Variants in NRN1 observed in about 807,000 individuals in gnomAD.
NRN1 encodes the protein neuritin 1.
A neutral mutation model predicts 15.0 loss-of-function variants in NRN1; 4 were observed. That is an observed-to-expected ratio of 0.27 (90% CI 0.13 to 0.61). NRN1 has a LOEUF of 0.61. NRN1 is among the 20% of genes least tolerant of loss of function. The pLI, the probability that NRN1 is intolerant of heterozygous loss-of-function variation, is 0.87. For missense variants in NRN1, 134 were observed against 181.9 expected (o/e 0.74, Z 1.51); for synonymous variants, 85 against 79.8 (o/e 1.07, Z -0.35).
chr6:6,001,739 T>C (rs904622462), intron 2 of NRN1, among the ~76,000 whole-genome samples: 1 of 152,184 alleles, frequency 6.6e-6, no homozygotes, highest in Non-Finnish European at 1.5e-5. Flanking sequence ...CACAATAAGA[T>C]AGCGTTTCGG....
At chr6:6,002,563 C>T in intron 1 of NRN1, 66 bp from the exon 2 acceptor site, 4 of 1,567,032 alleles carry the variant, frequency 2.6e-6, no homozygotes, top group Admixed American at 3.5e-5. Context: ...CTGCCCTTTC[C>T]TGCGAGACCC....
intron 2 of NRN1, among the ~76,000 whole-genome samples, chr6:6,000,454 C>G (rs1419503790): frequency 6.6e-6 from 1 of 152,182 alleles, no homozygotes; most frequent in Admixed American, 6.5e-5. Context: ...CCACCTGCCC[C>G]GGGCCTTGAG....
rs1390401908 is a variant in NRN1 at position 5,998,315 on chromosome 6, A to C, written c.*661T>G. The C allele has an allele frequency of 2.6e-5, 4 of 152,218 alleles. No homozygotes were observed. Among genetic ancestry groups the C allele is most frequent in the Admixed American group, 2.0e-4 (3 of 15,266 alleles). 9.4% of individuals were successfully genotyped at this position (152,218 alleles called of 1,614,324 possible). A position where few individuals can be genotyped will look rare whatever the true frequency, so the allele number is the denominator to read the frequency against. On this transcript the variant is annotated 3_prime_UTR_variant, in exon 3 of 3. Coordinates refer to ENST00000244766, the MANE Select transcript of NRN1 (RefSeq NM_016588.3). ...AGCAGATAAAGCTAACCCCTCAGTG[A>C]CCATAGCAGCATGTCTTCTGGAAGC...
rs1211843024 is a variant in NRN1, at chr6:6,002,401, T to C, written c.152A>G (p.Asn51Ser). 1 of 1,614,228 alleles carries C rather than the reference T, an allele frequency of 6.2e-7. No individual in the cohort carries two copies. The highest frequency in any genetic ancestry group is 1.7e-5 in the Admixed American group (1 of 60,030). Residue 51 changes from asparagine to serine, a missense_variant, in exon 2 of 3, where the codon AAC becomes AGC. By Grantham distance (46) the Asn-to-Ser change is conservative (BLOSUM62 1). Transcript: ENST00000244766. ...CTTGTCGTCCAGGCCCTGCGGGTAG[T>C]TGGCCATGCTGTCGCCCAGCTTGAG... ...CLLKLGDSMANYPQGLDDKTN... is the reference protein window; with the variant it reads ...CLLKLGDSMASYPQGLDDKTN...
rs931163891 is a variant in NRN1 at position 5,998,972 on chromosome 6, A to G, written c.*4T>C. The G allele has an allele frequency of 1.9e-6, 3 of 1,604,726 alleles. No homozygotes were observed. Among genetic ancestry groups the G allele is most frequent in the Non-Finnish European group, 2.6e-6 (3 of 1,174,980 alleles). On this transcript the variant is annotated 3_prime_UTR_variant, in exon 3 of 3. Coordinates refer to ENST00000244766, the MANE Select transcript of NRN1 (RefSeq NM_016588.3). ...TGGGCGCGCGGGGGGAGCTGGCCCC[A>G]CGCTCAGAAGGAAAGCCAGGTCGCT...
rs1757841353 is a variant in NRN1 at position 5,998,817 on chromosome 6, G to C, written c.*159C>G. The C allele has an allele frequency of 1.6e-6, 1 of 628,268 alleles. No homozygotes were observed. The highest frequency in any genetic ancestry group is 1.8e-5 in the African/African-American group (1 of 54,358). The allele number at this position is 628,268 out of a possible 1,614,324, so 38.9% of individuals were successfully genotyped here. A position where few individuals can be genotyped will look rare whatever the true frequency, so the allele number is the denominator to read the frequency against. On this transcript the variant is annotated 3_prime_UTR_variant, in exon 3 of 3. Transcript: ENST00000244766. ...GCAAATAAAACACAAGAAATCAAAC[G>C]AAATAAAAAAGAGAATCAGGATTTC...
At position 6,002,467 on chromosome 6, in the gene NRN1, C is replaced by A; in HGVS notation, c.86G>T (p.Gly29Val). ...GCCCTTGAAGACCGCATCGCACTTG[C>A]CCGCTGCTCTCACGGCCTGCACCAG... ...AYLVQAVRAA[G>V]KCDAVFKGFS... The change falls in exon 2 of 3, where the codon GGC (glycine) becomes GTC (valine). Residue 29 changes from glycine to valine, a missense_variant. Physicochemically the swap from Gly to Val is moderately radical, Grantham distance 109 (BLOSUM62 -3). Coordinates refer to ENST00000244766, the MANE Select transcript of NRN1 (RefSeq NM_016588.3). The A allele has an allele frequency of 6.2e-7, 1 of 1,614,124 alleles. No individual in the cohort carries two copies. Among genetic ancestry groups the A allele is most frequent in the Non-Finnish European group, 8.5e-7 (1 of 1,180,002 alleles).
At chr6:6,003,758 C>T in intron 1 of NRN1, 1 of 1,234,242 alleles carries the variant, frequency 8.1e-7, no homozygotes, top group Non-Finnish European at 1.0e-6. Context: ...CCGACGAACC[C>T]GGCTGGAAGC....
upstream of NRN1, chr6:6,007,027 G>A: frequency 2.2e-6 from 1 of 462,720 alleles, no homozygotes; most frequent in Non-Finnish European, 3.9e-6. Flanking sequence ...ACAGCCTCAC[G>A]CCCACGAGCA....
intron 1 of NRN1, 32 bp downstream of exon 1, chr6:6,006,663 C>G (rs754940821): frequency 1.6e-5 from 26 of 1,609,984 alleles, no homozygotes; most frequent in Non-Finnish European, 1.9e-5. Context: ...CCTCCCGCCT[C>G]CAGCCTCCAG....
intron 2 of NRN1, among the ~76,000 whole-genome samples, chr6:6,001,442 T>C (rs671462): frequency 0.25 from 37,855 of 152,084 alleles, 5,686 homozygotes; most frequent in East Asian, 0.51. Context: ...AGCAGCTAGA[T>C]TGCTGCAGGT....
At chr6:6,003,440 C>G (rs1238684034) in intron 1 of NRN1, among the ~76,000 whole-genome samples, 1 of 152,190 alleles carries the variant, frequency 6.6e-6, no homozygotes, top group African/African-American at 2.4e-5. Flanking sequence ...CCAAAAAGCC[C>G]GCCTACACTC....
chr6:5,999,292 G>T, intron 2 of NRN1, 88 bp from the exon 3 acceptor site: 1 of 1,188,386 alleles, frequency 8.4e-7, no homozygotes, highest in Non-Finnish European at 1.2e-6. Flanking sequence ...CCTCCCCGCT[G>T]GCGGCCCCGC....
intron 1 of NRN1, 191 bp from the exon 2 acceptor site, chr6:6,002,688 A>C: frequency 2.7e-5 from 18 of 678,214 alleles, no homozygotes; most frequent in East Asian, 8.9e-5. Flanking sequence ...CCTGCAGCTA[A>C]CGCTGCGTCT....
intron 1 of NRN1, 198 bp from the exon 2 acceptor site, chr6:6,002,695 G>A (rs942541193): frequency 1.9e-5 from 13 of 681,130 alleles, no homozygotes; most frequent in Non-Finnish European, 2.9e-5. Flanking sequence ...CTAACGCTGC[G>A]TCTAGTGCAA....
rs554134388 is a variant in NRN1, at chr6:6,001,945, G to A, written c.200+408C>T. On this transcript the variant is annotated intron_variant, in intron 2 of 2. Transcript: ENST00000244766. ...CTGTTCTTCAGAGAACACCTGGCAG[G>A]TCACTCGTTCACGCAAGAGCAAAGA... 9.2e-5 allele frequency among the ~76,000 whole-genome samples: 14 copies of A among 152,334 alleles called. No individual in the cohort carries two copies. The South Asian group carries it at 1.7e-3, about 18-fold the overall frequency.
chr6:5,998,943 T>G lies in NRN1; in HGVS notation c.*33A>C. 1 of 1,513,554 alleles carries G rather than the reference T, an allele frequency of 6.6e-7. No homozygotes were observed. The highest frequency in any genetic ancestry group is 9.1e-7 in the Non-Finnish European group (1 of 1,099,558). 93.8% of individuals were successfully genotyped at this position (1,513,554 alleles called of 1,614,324 possible). ...GATTTCCGGGAGCATGGAGTGAGTG[T>G]GGGTGGGCGCGCGGGGGGAGCTGGC... On this transcript the variant is annotated 3_prime_UTR_variant, in exon 3 of 3. Coordinates refer to ENST00000244766, the MANE Select transcript of NRN1 (RefSeq NM_016588.3).
intron 1 of NRN1, chr6:6,004,074 A>AT: frequency 9.0e-7 from 1 of 1,110,858 alleles, no homozygotes; most frequent in Non-Finnish European, 1.1e-6. Flanking sequence ...CCGTTTGCAA[A>AT]TTGCTGCAGG....
intron 1 of NRN1, chr6:6,003,674 C>A: frequency 8.1e-7 from 1 of 1,232,166 alleles, no homozygotes; most frequent in Non-Finnish European, 1.0e-6. Flanking sequence ...CGGCCAAACC[C>A]CGAGGCGCGG....
Sources: allele counts gnomAD v4.1 joint callset (sites outside exome capture counted in the v4.1 genomes callset), GRCh38; gene constraint gnomAD v4.1.1; transcripts MANE v1.5; gene names NCBI Gene and HGNC (gene_info 2026-07-23, HGNC 2026-07-21).